Variants in SLC16A1 observed in about 807,000 individuals in gnomAD.
The protein encoded by SLC16A1 is monocarboxylate transporter 1.
Under a neutral mutation model 32.2 loss-of-function variants are expected in SLC16A1, and 11 were observed. The ratio of observed to expected loss-of-function variants is 0.34; its 90% confidence interval spans 0.21 to 0.56. The LOEUF (loss-of-function observed/expected upper bound fraction) is 0.56. SLC16A1 is among the 20% of genes least tolerant of loss of function. The pLI is 0.87. For missense variants in SLC16A1, 435 were observed against 615.0 expected, an observed-to-expected ratio of 0.71 and a Z score of 3.10; for synonymous variants, 231 against 226.8, an observed-to-expected ratio of 1.02 and a Z score of -0.17.
At chr1:112,943,276 C>T (rs1242422651) in intron 1 of SLC16A1, among the ~76,000 whole-genome samples, 1 of 152,186 alleles carries the variant, frequency 6.6e-6, no homozygotes, top group Non-Finnish European at 1.5e-5. Flanking sequence ...CACAGATTAG[C>T]CGGGCATGGT....
chr1:112,918,251 A>G (rs555135475), intron 3 of SLC16A1, among the ~76,000 whole-genome samples: 9 of 152,164 alleles, frequency 5.9e-5, no homozygotes, highest in Non-Finnish European at 1.3e-4. Context: ...TCAGACATGT[A>G]TACCCTCCTA....
At chr1:112,928,002 A>T (rs181733319) in intron 2 of SLC16A1, among the ~76,000 whole-genome samples, 29 of 152,330 alleles carry the variant, frequency 1.9e-4, no homozygotes, top group African/African-American at 6.7e-4. Flanking sequence ...ATTGGCTCTC[A>T]GAAGCTAATG....
intron 1 of SLC16A1, among the ~76,000 whole-genome samples, chr1:112,952,143 T>C (rs546352273): frequency 1.3e-5 from 2 of 152,160 alleles, no homozygotes; most frequent in East Asian, 1.9e-4. Context: ...TTACAAGAAA[T>C]ACAAAGGATA....
At chr1:112,936,479 T>TTAA (rs1649309325) in intron 1 of SLC16A1, among the ~76,000 whole-genome samples, 1 of 49,046 alleles carries the variant, frequency 2.0e-5, no homozygotes. Context: ...TGACTCTGTC[T>TTAA]CAAAAAAAAA....
rs531907861 is a variant in SLC16A1 at position 112,925,230 on chromosome 1, C to T, written c.218-3097G>A. The stretch of plus-strand genomic sequence containing the variant: ...TCCCTCTGTGGCTGGAGTGCAGTAG[C>T]GCAATCACAGCTCACTGCAGACCCA... On this transcript the variant is annotated intron_variant, in intron 2 of 4. Transcript: ENST00000369626. Among the ~76,000 whole-genome samples the T allele has an allele frequency of 2.6e-5, 4 of 152,242 alleles. No homozygotes were observed. In the South Asian group the frequency reaches 6.2e-4, roughly 24 times the overall value.
chr1:112,922,309 CAT>C, intron 2 of SLC16A1, 176 bp from the exon 3 acceptor site: 2 of 644,830 alleles, frequency 3.1e-6, no homozygotes, highest in East Asian at 2.8e-5. Context: ...TGTTAGAAAA[CAT>C]AATTAATTGT....
At chr1:112,922,280 A>G in intron 2 of SLC16A1, 147 bp from the exon 3 acceptor site, 1 of 722,938 alleles carries the variant, frequency 1.4e-6, no homozygotes, top group Non-Finnish European at 2.3e-6. Context: ...TCTGAGTCAC[A>G]TGTGTACTAA....
Position 112,917,660 on chromosome 1 carries a change from ATTG to A in SLC16A1, c.743_745del (p.Thr248del). 6 of 1,614,218 alleles carry A rather than the reference ATTG, an allele frequency of 3.7e-6. No individual in the cohort carries two copies. Among genetic ancestry groups the A allele is most frequent in the Non-Finnish European group, 5.1e-6 (6 of 1,180,044 alleles). On this transcript the variant is annotated inframe_deletion, in exon 4 of 5. Coordinates refer to ENST00000369626, the MANE Select transcript of SLC16A1 (RefSeq NM_003051.4). The surrounding 1 kb of genome is among the most constrained non-coding windows in gnomAD (Gnocchi z 4.1). ...TAGGGTTAAGTCCAGGAACTGATTA[ATTG>A]TTTGGAAGACTGATCGTTTCTCTTG...
chr1:112,915,916 T>C (rs1281293777), intron 4 of SLC16A1, among the ~76,000 whole-genome samples: 2 of 152,222 alleles, frequency 1.3e-5, no homozygotes, highest in African/African-American at 2.4e-5. Context: ...TATTGAGCTA[T>C]TAATTTGAAA....
chr1:112,918,120 T>C (rs1218566955), intron 3 of SLC16A1, 76 bp from the exon 4 acceptor site: 19 of 1,082,716 alleles, frequency 1.8e-5, no homozygotes, highest in Non-Finnish European at 2.2e-5. Flanking sequence ...GTATAAATAA[T>C]GGAAGGAATA....
intron 1 of SLC16A1, among the ~76,000 whole-genome samples, chr1:112,934,307 CAAAATCTGAA>C (rs904028807): frequency 3.7e-4 from 57 of 152,162 alleles, no homozygotes; most frequent in African/African-American, 1.1e-3. Flanking sequence ...GCAAATATTC[CAAAATCTGAA>C]AAAATCTGAA....
intron 1 of SLC16A1, among the ~76,000 whole-genome samples, chr1:112,950,866 G>A (rs1240757851): frequency 6.6e-6 from 1 of 152,138 alleles, no homozygotes. Context: ...TGAGCATTAT[G>A]GCCCATGCCT....
intron 1 of SLC16A1, among the ~76,000 whole-genome samples, chr1:112,938,512 C>T (rs1238320909): frequency 5.3e-5 from 8 of 152,170 alleles, no homozygotes; most frequent in East Asian, 1.9e-4. Flanking sequence ...ATCTGGCTAG[C>T]CAAACACTCA....
At chr1:112,943,497 T>C (rs563393907) in intron 1 of SLC16A1, among the ~76,000 whole-genome samples, 1 of 152,280 alleles carries the variant, frequency 6.6e-6, no homozygotes, top group South Asian at 2.1e-4. Flanking sequence ...GCAATTAAAA[T>C]TGCAAACCGG....
intron 1 of SLC16A1, among the ~76,000 whole-genome samples, chr1:112,929,696 A>C (rs1649062738): frequency 1.3e-5 from 2 of 152,134 alleles, no homozygotes; most frequent in South Asian, 4.1e-4. Context: ...AAAATTAAAA[A>C]ATTAGCCAGA....
At chr1:112,933,719 T>C (rs919174465) in intron 1 of SLC16A1, among the ~76,000 whole-genome samples, 1 of 152,144 alleles carries the variant, frequency 6.6e-6, no homozygotes, top group African/African-American at 2.4e-5. Context: ...ACATACCTAC[T>C]AAAAATAAGA....
intron 1 of SLC16A1, among the ~76,000 whole-genome samples, chr1:112,951,409 G>A (rs1225388408): frequency 1.3e-5 from 2 of 151,490 alleles, no homozygotes; most frequent in Middle Eastern, 3.2e-3. Context: ...GAGGATGAAG[G>A]AAAGTTGAGA....
At chr1:112,922,160 T>C in intron 2 of SLC16A1, 27 bp from the exon 3 acceptor site, 1 of 1,612,146 alleles carries the variant, frequency 6.2e-7, no homozygotes, top group Non-Finnish European at 8.5e-7. Context: ...AATGTAGTAA[T>C]ATAAAGGAAA....
At chr1:112,924,886 C>CA (rs919579254) in intron 2 of SLC16A1, among the ~76,000 whole-genome samples, 21 of 151,524 alleles carry the variant, frequency 1.4e-4, no homozygotes, top group South Asian at 6.3e-4. Context: ...AACAAACAAA[C>CA]AAAAAAAACC....
Sources: gnomAD v4.1 joint callset for allele counts (sites outside exome capture counted in the v4.1 genomes callset) on GRCh38, gnomAD v4.1.1 for gene constraint, Gnocchi (gnomAD v3.1) non-coding constraint, MANE v1.5 for transcripts, NCBI Gene and HGNC (gene_info 2026-07-23, HGNC 2026-07-21) for gene names.